PRDM4: variants seen among roughly 807,000 people sequenced by gnomAD.
PRDM4 encodes PR domain zinc finger protein 4.
PRDM4 carries 38 observed loss-of-function variants against 62.3 expected under a neutral mutation model. That is an observed-to-expected ratio of 0.61 (90% CI 0.47 to 0.80). PRDM4 has a LOEUF of 0.80. PRDM4 is among the 30% of genes least tolerant of loss of function. The pLI, the probability that PRDM4 is intolerant of heterozygous loss-of-function variation, is 0.00. For missense variants in PRDM4, 858 were observed against 997.1 expected (o/e 0.86, Z 1.88); for synonymous variants, 339 against 348.2 (o/e 0.97, Z 0.30).
intron 6 of PRDM4, 136 bp from the exon 7 acceptor site, chr12:107,744,797 C>A: frequency 8.1e-7 from 1 of 1,236,968 alleles, no homozygotes; most frequent in African/African-American, 1.5e-5. Context: ...TGGTGGCTCA[C>A]GCCTGTTATC....
intron 5 of PRDM4, among the ~76,000 whole-genome samples, chr12:107,748,709 A>C (rs1312008567): frequency 1.3e-5 from 2 of 152,202 alleles, no homozygotes; most frequent in African/African-American, 4.8e-5. Context: ...AATGGTTATG[A>C]AGTTTCTTTA....
At chr12:107,758,406 T>C (rs1413172250) in intron 2 of PRDM4, 3 of 152,076 alleles carry the variant, frequency 2.0e-5, no homozygotes, top group African/African-American at 7.2e-5. Context: ...AGTGCCACCA[T>C]GCCTGGCTAA....
At chr12:107,743,116 C>T in intron 8 of PRDM4, 81 bp downstream of exon 8, 1 of 1,223,498 alleles carries the variant, frequency 8.2e-7, no homozygotes, top group Non-Finnish European at 1.2e-6. Flanking sequence ...GGATTCTTAA[C>T]TCTTTCTTCT....
chr12:107,744,698 T>A (rs779064040), intron 6 of PRDM4, 37 bp from the exon 7 acceptor site: 1 of 1,608,142 alleles, frequency 6.2e-7, no homozygotes, highest in Non-Finnish European at 8.5e-7. Flanking sequence ...CAATCAATGA[T>A]TTAAACAGCA....
At chr12:107,757,724 T>C (rs1449201799) in intron 2 of PRDM4, among the ~76,000 whole-genome samples, 1 of 148,302 alleles carries the variant, frequency 6.7e-6, no homozygotes, top group African/African-American at 2.6e-5. Context: ...ACCAAACTTT[T>C]TTTTAACTGC....
At chr12:107,742,079 CAAAT>C in intron 9 of PRDM4, 138 bp downstream of exon 9, 1 of 921,586 alleles carries the variant, frequency 1.1e-6, no homozygotes, top group Non-Finnish European at 1.6e-6. Context: ...TTTAACACCT[CAAAT>C]ACAAGTAATA....
intron 2 of PRDM4, 27 bp from the exon 3 acceptor site, chr12:107,756,992 A>G (rs1458854357): frequency 1.2e-6 from 2 of 1,611,254 alleles, no homozygotes; most frequent in African/African-American, 2.7e-5. Flanking sequence ...ACAACTAGTT[A>G]TGCAAAAATT....
Position 107,744,625 on chromosome 12 carries a change from C to G in PRDM4, c.1313G>C (p.Cys438Ser). The G allele has an allele frequency of 6.2e-7, 1 of 1,613,846 alleles. No individual in the cohort carries two copies. The highest frequency in any genetic ancestry group is 8.5e-7 in the Non-Finnish European group (1 of 1,179,772). ...WTGETIPVRT[C>S]FGPLIGQQSH... is the part of the protein sequence containing the mutation. ...CTGCTGGCCAATTAGAGGTCCAAAG[C>G]AAGTCCGCACAGGAATGGTTTCTCC... Residue 438 changes from cysteine (C) to serine (S), a missense_variant, in exon 7 of 12, where the codon TGC becomes TCC. Physicochemically the swap from Cys to Ser is moderately radical, Grantham distance 112. Around this residue, in one of 3 missense-constraint regions of PRDM4, gnomAD observed 4 missense variants for 17.8 expected, o/e 0.23. Transcript: ENST00000228437.
At chr12:107,757,474 AAC>A (rs1891099034) in intron 2 of PRDM4, among the ~76,000 whole-genome samples, 1 of 152,206 alleles carries the variant, frequency 6.6e-6, no homozygotes, top group South Asian at 2.1e-4. Flanking sequence ...CCCATTCAGC[AAC>A]AGTTTACTAA....
At chr12:107,747,637 G>A (rs1306391874) in intron 5 of PRDM4, among the ~76,000 whole-genome samples, 2 of 152,046 alleles carry the variant, frequency 1.3e-5, no homozygotes, top group Non-Finnish European at 2.9e-5. Flanking sequence ...AAGCTTATGA[G>A]TGTCCTCCTC....
At chr12:107,752,239 G>A (rs373113496) in intron 4 of PRDM4, 30 bp from the exon 5 acceptor site, 1 of 1,483,348 alleles carries the variant, frequency 6.7e-7, no homozygotes, top group Non-Finnish European at 9.4e-7. Flanking sequence ...AGATATCAGA[G>A]ACTTTTAGTA....
At chr12:107,737,495 G>A (rs990761983) in intron 11 of PRDM4, among the ~76,000 whole-genome samples, 1 of 152,126 alleles carries the variant, frequency 6.6e-6, no homozygotes, top group Non-Finnish European at 1.5e-5. Context: ...CCCTGAAAAG[G>A]AGTCCAGATC....
chr12:107,759,422 C>A (rs1206241373), intron 2 of PRDM4, among the ~76,000 whole-genome samples: 1 of 152,206 alleles, frequency 6.6e-6, no homozygotes. Context: ...GCCTACTTAA[C>A]AAATTGGTTA....
At chr12:107,744,140 A>C (rs1372814167) in intron 7 of PRDM4, among the ~76,000 whole-genome samples, 1 of 152,206 alleles carries the variant, frequency 6.6e-6, no homozygotes, top group East Asian at 1.9e-4. Context: ...GAAAACTAGA[A>C]AAATAATCTT....
intron 3 of PRDM4, among the ~76,000 whole-genome samples, chr12:107,755,334 G>A (rs1440670550): frequency 1.3e-5 from 2 of 152,016 alleles, no homozygotes; most frequent in Non-Finnish European, 2.9e-5. Flanking sequence ...CTGGGCTCAA[G>A]TGATCCTCCT....
intron 5 of PRDM4, among the ~76,000 whole-genome samples, chr12:107,750,277 G>T (rs1008186271): frequency 1.5e-4 from 23 of 152,260 alleles, no homozygotes; most frequent in African/African-American, 5.5e-4. Flanking sequence ...CCAGCATGAT[G>T]GCTCACACCT....
At chr12:107,736,178 T>G (rs1052895563) in intron 11 of PRDM4, among the ~76,000 whole-genome samples, 4 of 152,226 alleles carry the variant, frequency 2.6e-5, no homozygotes, top group African/African-American at 9.6e-5. Context: ...GGCTATAGGA[T>G]GTGGGTAAAC....
rs754135018 is a variant in PRDM4 at position 107,734,315 on chromosome 12, CTCT to C, written c.2298_2300del (p.Glu767del). The C allele has an allele frequency of 3.7e-6, 6 of 1,614,176 alleles. No homozygotes were observed. In the East Asian group the frequency reaches 1.3e-4, roughly 36 times the overall value. On this transcript the variant is annotated inframe_deletion, in exon 12 of 12. Coordinates refer to ENST00000228437, the MANE Select transcript of PRDM4 (RefSeq NM_012406.4). Reference sequence around the variant, plus strand: ...CTAGATCTTCCTCTTCTGAGTCATCCTCTTCTTCCTCCTCTGGTGCTGACGAAC... The same window carrying C: ...CTAGATCTTCCTCTTCTGAGTCATCCTCTTCCTCCTCTGGTGCTGACGAAC...
intron 6 of PRDM4, 27 bp downstream of exon 6, chr12:107,746,248 A>G: frequency 6.2e-7 from 1 of 1,610,446 alleles, no homozygotes; most frequent in South Asian, 1.1e-5. Flanking sequence ...GAGATGTAAT[A>G]GTGTTTTACA....
Sources: gnomAD v4.1 joint callset for allele counts (sites outside exome capture counted in the v4.1 genomes callset) on GRCh38, gnomAD v4.1.1 for gene constraint, gnomAD v4.1.1 regional missense constraint, MANE v1.5 for transcripts, NCBI Gene and HGNC (gene_info 2026-07-23, HGNC 2026-07-21) for gene names.